The following ZNF507 variants were observed in gnomAD, a reference collection of about 807,000 sequenced individuals.
The protein encoded by ZNF507 is zinc finger protein 507.
In ZNF507, 29 loss-of-function variants were observed where a neutral mutation model predicts 80.0. The ratio of observed to expected loss-of-function variants is 0.36; its 90% CI spans 0.27 to 0.49. The LOEUF is 0.49. ZNF507 is among the 20% of genes least tolerant of loss of function. The pLI, the probability that ZNF507 is intolerant of heterozygous loss-of-function variation, is 0.98. For synonymous variants in ZNF507, 462 were observed against 422.5 expected (o/e 1.09, Z -1.15); for missense variants, 1,081 against 1,152.2 (o/e 0.94, Z 0.90).
Position 32,354,873 on chromosome 19 carries a change from C to A in ZNF507, c.2043C>A (p.Ser681Arg). Residue 681 changes from serine to arginine, a missense_variant, in exon 3 of 7, where the codon AGC (serine) becomes AGA (arginine). Ser to Arg is a moderately radical substitution (Grantham distance 110). This residue lies in a region of ZNF507 where 614 missense variants were observed against 583.9 expected (regional missense o/e 1.05). Coordinates refer to ENST00000355898, the MANE Select transcript of ZNF507 (RefSeq NM_001136156.2). ...CPICEHIADN[S>R]KDLESHMIHH... ...TCTGCGAGCACATAGCGGACAACAG[C>A]AAAGATTTGGAGAGTCACATGATCC... 6.2e-7 allele frequency: 1 copy of A among 1,614,134 alleles called. No homozygotes were observed. Among genetic ancestry groups the A allele is most frequent in the Non-Finnish European group, 8.5e-7 (1 of 1,180,008 alleles).
rs1326577377 is a variant in ZNF507, at chr19:32,383,710, G to T, written c.*627G>T. 1 of 152,218 alleles carries T rather than the reference G, an allele frequency of 6.6e-6. No individual in the cohort carries two copies. The highest frequency in any genetic ancestry group is 1.5e-5 in the Non-Finnish European group (1 of 68,048). The allele number at this position is 152,218 out of a possible 1,614,324, so 9.4% of individuals were successfully genotyped here. A position where few individuals can be genotyped will look rare whatever the true frequency, so the allele number is the denominator to read the frequency against. On this transcript the variant is annotated 3_prime_UTR_variant, in exon 7 of 7. Transcript: ENST00000355898. ...GGAAAGATCTCTAAATTCAAAGCTA[G>T]ATTGTAAATAGGCATTCAAGAAGTA...
At chr19:32,348,928 T>C (rs1967128500) in intron 2 of ZNF507, among the ~76,000 whole-genome samples, 1 of 152,164 alleles carries the variant, frequency 6.6e-6, no homozygotes, top group Non-Finnish European at 1.5e-5. Context: ...TCAGCAGTAT[T>C]CCAAGGAAGC....
intron 5 of ZNF507, among the ~76,000 whole-genome samples, chr19:32,364,531 T>C (rs1317643415): frequency 6.6e-6 from 1 of 152,188 alleles, no homozygotes; most frequent in African/African-American, 2.4e-5. Context: ...TTATCATTCT[T>C]ATGCCTTTGC....
chr19:32,348,692 A>G (rs1967126001), intron 2 of ZNF507, among the ~76,000 whole-genome samples: 1 of 152,192 alleles, frequency 6.6e-6, no homozygotes, highest in Non-Finnish European at 1.5e-5. Context: ...TTACTTATTT[A>G]TTGGTAACAA....
intron 4 of ZNF507, chr19:32,358,261 C>T (rs1967277369): frequency 6.6e-6 from 1 of 152,040 alleles, no homozygotes; most frequent in African/African-American, 2.4e-5. Context: ...GTTGTCAGGC[C>T]AAAGAAAAAA....
chr19:32,348,424 C>T (rs1200991192), intron 2 of ZNF507, among the ~76,000 whole-genome samples: 2 of 151,924 alleles, frequency 1.3e-5, no homozygotes, highest in Non-Finnish European at 2.9e-5. Context: ...TCTCCAGGCC[C>T]ACATGAATTG....
chr19:32,368,538 T>C (rs1967429214), intron 5 of ZNF507, among the ~76,000 whole-genome samples: 1 of 152,226 alleles, frequency 6.6e-6, no homozygotes, highest in African/African-American at 2.4e-5. Flanking sequence ...AGTTACAGGC[T>C]TCAGTCTTTT....
chr19:32,374,188 A>ACACACACTCT (rs57164942), intron 5 of ZNF507, among the ~76,000 whole-genome samples: 6 of 145,840 alleles, frequency 4.1e-5, no homozygotes, highest in African/African-American at 1.5e-4. Context: ...ACACACACAC[A>ACACACACTCT]CTCTCTCTCT....
chr19:32,376,212 AAAT>A (rs531138856), intron 5 of ZNF507, among the ~76,000 whole-genome samples: 254 of 152,292 alleles, frequency 1.7e-3, no homozygotes, highest in African/African-American at 5.8e-3. Context: ...ATAGACCTCA[AAAT>A]AATAATAATG....
intron 5 of ZNF507, among the ~76,000 whole-genome samples, chr19:32,365,166 T>C (rs1213878911): frequency 6.6e-6 from 1 of 152,250 alleles, no homozygotes; most frequent in Non-Finnish European, 1.5e-5. Flanking sequence ...ATTTATGTCC[T>C]TAGCCCACTT....
chr19:32,348,636 G>A (rs1218482944), intron 2 of ZNF507, among the ~76,000 whole-genome samples: 4 of 152,232 alleles, frequency 2.6e-5, no homozygotes, highest in African/African-American at 2.4e-5. Context: ...AGAGTTGGTG[G>A]AAAGGGTTAT....
Position 32,354,052 on chromosome 19 carries a change from AC to A in ZNF507, c.1225del (p.Leu409PhefsTer8). ...IVERLPSAEE[T>X]LSQKRFLMNT... Reference sequence around the variant, plus strand: ...GGAGCGATTGCCAAGTGCTGAAGAAACCCTTTCACAGAAGCGCTTCCTCATG... The same window carrying A: ...GGAGCGATTGCCAAGTGCTGAAGAAACCTTTCACAGAAGCGCTTCCTCATG... On this transcript the variant is annotated frameshift_variant, in exon 3 of 7. Transcript: ENST00000355898. LOFTEE classifies it high-confidence loss of function. 6.2e-7 allele frequency: 1 copy of A among 1,614,096 alleles called. No homozygotes were observed. The highest frequency in any genetic ancestry group is 8.5e-7 in the Non-Finnish European group (1 of 1,180,024).
chr19:32,347,294 T>C lies in ZNF507; in HGVS notation c.-47T>C, dbSNP rs1967109175. 1 of 152,636 alleles carries C rather than the reference T, an allele frequency of 6.6e-6. No homozygotes were observed. Among genetic ancestry groups the C allele is most frequent in the African/African-American group, 2.4e-5 (1 of 41,444 alleles). 9.5% of individuals were successfully genotyped at this position (152,636 alleles called of 1,614,324 possible). A position where few individuals can be genotyped will look rare whatever the true frequency, so the allele number is the denominator to read the frequency against. On this transcript the variant is annotated 5_prime_UTR_variant, in exon 2 of 7. Coordinates refer to ENST00000355898, the MANE Select transcript of ZNF507 (RefSeq NM_001136156.2). ...GGACTGTATTAATTTCAGGAATTGA[T>C]TTGAAAGACACTGGCTCTGCCACTT...
At chr19:32,376,166 T>C (rs894965222) in intron 5 of ZNF507, among the ~76,000 whole-genome samples, 6 of 152,182 alleles carry the variant, frequency 3.9e-5, no homozygotes, top group Admixed American at 3.9e-4. Flanking sequence ...ATAATTCCAA[T>C]TTTATAAAAA....
At chr19:32,361,511 T>C (rs927260466) in intron 5 of ZNF507, among the ~76,000 whole-genome samples, 14 of 152,224 alleles carry the variant, frequency 9.2e-5, no homozygotes, top group Admixed American at 8.5e-4. Flanking sequence ...ATATTTAATA[T>C]GTGCTTAATT....
At chr19:32,350,589 C>T (rs945929507) in intron 2 of ZNF507, among the ~76,000 whole-genome samples, 5 of 152,158 alleles carry the variant, frequency 3.3e-5, no homozygotes, top group Admixed American at 6.5e-5. Flanking sequence ...GCAATTTGCA[C>T]TGGTCTGTGT....
At position 32,353,490 on chromosome 19, in the gene ZNF507, T is replaced by A; in HGVS notation, c.660T>A (p.Asn220Lys). The part of the protein sequence containing the change: ...TIPDIPVSVD[N>K]LQTHTVQTAS... ...CAGATATCCCAGTAAGTGTGGACAA[T>A]CTACAGACTCATACTGTCCAAACTG... The change falls in exon 3 of 7, where the codon AAT (asparagine) becomes AAA (lysine). Residue 220 changes from asparagine (N) to lysine (K), a missense_variant. Asn to Lys is a moderately conservative substitution (Grantham distance 94, BLOSUM62 0). Coordinates refer to ENST00000355898, the MANE Select transcript of ZNF507 (RefSeq NM_001136156.2). 1 of 1,614,146 alleles carries A rather than the reference T, an allele frequency of 6.2e-7. No individual in the cohort carries two copies. The highest frequency in any genetic ancestry group is 1.3e-5 in the African/African-American group (1 of 75,022).
At chr19:32,380,505 A>G in intron 5 of ZNF507, 2 of 1,193,830 alleles carry the variant, frequency 1.7e-6, no homozygotes, top group Non-Finnish European at 2.4e-6. Flanking sequence ...GTGGGTGAGA[A>G]AAAGAGTTTA....
At chr19:32,375,488 T>C (rs147120940) in intron 5 of ZNF507, among the ~76,000 whole-genome samples, 106 of 152,316 alleles carry the variant, frequency 7.0e-4, no homozygotes, top group African/African-American at 2.5e-3. Context: ...GGGCCTGATA[T>C]CTTCAACAGA....
Sources: allele counts gnomAD v4.1 joint callset (sites outside exome capture counted in the v4.1 genomes callset), GRCh38; gene constraint gnomAD v4.1.1; regional missense constraint gnomAD v4.1.1; transcripts MANE v1.5; gene names NCBI Gene and HGNC (gene_info 2026-07-23, HGNC 2026-07-21).